Variants in HAUS4 observed in about 807,000 individuals in gnomAD.
The protein encoded by HAUS4 is HAUS augmin like complex subunit 4, also known as HAUS augmin-like complex subunit 4.
In HAUS4, 34 loss-of-function variants were observed where a neutral mutation model predicts 50.6. The observed-to-expected ratio is 0.67, with a 90% CI of 0.51 to 0.90. HAUS4 has a LOEUF of 0.90. HAUS4 is among the 40% of genes least tolerant of loss of function. The probability of loss-of-function intolerance (pLI) is 0.00; values close to 1 mark genes in which losing one functional copy is unlikely to be tolerated. For synonymous variants in HAUS4, 149 were observed against 161.4 expected (o/e 0.92, Z 0.58); for missense variants, 370 against 428.7 (o/e 0.86, Z 1.21).
Position 22,951,679 on chromosome 14 carries a change from G to T in HAUS4, c.341C>A (p.Thr114Asn), listed in dbSNP as rs201928239. The T allele has an allele frequency of 2.2e-4, 356 of 1,606,004 alleles. 2 individuals carry two copies. In the South Asian group the frequency reaches 3.8e-3, roughly 17 times the overall value. Residue 114 changes from threonine to asparagine, a missense_variant, in exon 5 of 10, where the codon ACC (threonine) becomes AAC (asparagine). Coordinates refer to ENST00000541587, the MANE Select transcript of HAUS4 (RefSeq NM_001166269.2). ...AGTTACAAGCAGCCGCTGTTCAAGGGTCTCATGAAACTGAGAGAGAGAGAA... is the reference window on the plus strand; with the variant it reads ...AGTTACAAGCAGCCGCTGTTCAAGGTTCTCATGAAACTGAGAGAGAGAGAA... ...VTSEDKKFHETLEQRLLVTEL... is the reference protein window; with the variant it reads ...VTSEDKKFHENLEQRLLVTEL...
intron 6 of HAUS4, among the ~76,000 whole-genome samples, 170 bp downstream of exon 6, chr14:22,950,136 AAAAAAAAC>A (rs367821155): frequency 8.2e-4 from 125 of 152,074 alleles, no homozygotes; most frequent in African/African-American, 2.8e-3. Context: ...CTCAAAAAAA[AAAAAAAAC>A]AAAAAAACAA....
At chr14:22,956,073 T>C (rs1264508753) in intron 1 of HAUS4, among the ~76,000 whole-genome samples, 1 of 152,192 alleles carries the variant, frequency 6.6e-6, no homozygotes, top group East Asian at 1.9e-4. Flanking sequence ...GTTATTATGA[T>C]TTAACGCTTC....
At chr14:22,949,905 G>A (rs1050864644) in intron 6 of HAUS4, among the ~76,000 whole-genome samples, 1 of 152,096 alleles carries the variant, frequency 6.6e-6, no homozygotes, top group Non-Finnish European at 1.5e-5. Context: ...GAGGCAGGCG[G>A]ATCACCTGAG....
chr14:22,952,693 A>G lies in HAUS4; in HGVS notation c.56-10T>C, dbSNP rs774539062. On this transcript the variant is annotated splice_polypyrimidine_tract_variant and intron_variant, in intron 2 of 9. Transcript: ENST00000541587. Reference sequence around the variant, plus strand: ...AGTTGTTTGCTGCACACTTAACATCATGTCCCCACAGGTACAAAAAAACAA... The same window carrying G: ...AGTTGTTTGCTGCACACTTAACATCGTGTCCCCACAGGTACAAAAAAACAA... The G allele has an allele frequency of 6.3e-7, 1 of 1,586,078 alleles. No individual in the cohort carries two copies. The highest frequency in any genetic ancestry group is 1.9e-5 in the Admixed American group (1 of 52,892).
At chr14:22,949,034 G>C (rs1353036287) in intron 6 of HAUS4, among the ~76,000 whole-genome samples, 1 of 151,532 alleles carries the variant, frequency 6.6e-6, no homozygotes, top group Non-Finnish European at 1.5e-5. Context: ...GCAGGCGCCT[G>C]TAATCCCAGC....
chr14:22,949,338 G>A (rs1411364273), intron 6 of HAUS4, among the ~76,000 whole-genome samples: 2 of 151,594 alleles, frequency 1.3e-5, no homozygotes, highest in Non-Finnish European at 2.9e-5. Flanking sequence ...GACCATCCTG[G>A]CTAACACGGT....
chr14:22,953,609 C>T (rs191588581), intron 2 of HAUS4, among the ~76,000 whole-genome samples: 2 of 150,108 alleles, frequency 1.3e-5, no homozygotes, highest in Admixed American at 1.3e-4. Context: ...CCATGCCTGG[C>T]TAATATTTTT....
At chr14:22,948,080 C>T in intron 6 of HAUS4, 67 bp from the exon 7 acceptor site, 1 of 1,437,852 alleles carries the variant, frequency 7.0e-7, no homozygotes, top group Non-Finnish European at 9.4e-7. Context: ...AGCAACCTTC[C>T]AGTGCCCCTA....
At position 22,947,770 on chromosome 14, in the gene HAUS4, G is replaced by A. The variant is rs767337782; in HGVS notation, c.709-39C>T. ...GGAGGAAGAAGAGGGCATAAATAAA[G>A]ATAGTAGAAAGGAGGGTAGATCAGG... On this transcript the variant is annotated intron_variant, in intron 7 of 9. Coordinates refer to ENST00000541587, the MANE Select transcript of HAUS4 (RefSeq NM_001166269.2). The A allele has an allele frequency of 1.9e-6, 3 of 1,612,996 alleles. No homozygotes were observed. The South Asian group carries it at 3.3e-5, about 18-fold the overall frequency.
chr14:22,951,786 A>G (rs946612859), intron 4 of HAUS4, 97 bp from the exon 5 acceptor site: 1 of 1,130,938 alleles, frequency 8.8e-7, no homozygotes, highest in Non-Finnish European at 1.3e-6. Context: ...ACATATTTTC[A>G]AAGTCCTCAA....
chr14:22,955,826 C>T (rs929186144), intron 1 of HAUS4, among the ~76,000 whole-genome samples: 8 of 152,054 alleles, frequency 5.3e-5, no homozygotes, highest in African/African-American at 1.9e-4. Flanking sequence ...AAGAGTAATG[C>T]AAAGGTGTAA....
At chr14:22,949,443 G>T (rs555412187) in intron 6 of HAUS4, among the ~76,000 whole-genome samples, 57 of 148,638 alleles carry the variant, frequency 3.8e-4, no homozygotes, top group African/African-American at 1.3e-3. Context: ...GCAGGAGAAT[G>T]GCGTGAACCT....
chr14:22,951,824 G>C, intron 4 of HAUS4, 135 bp from the exon 5 acceptor site: 1 of 726,828 alleles, frequency 1.4e-6, no homozygotes, highest in East Asian at 2.6e-5. Context: ...AGATAACTCA[G>C]CTGCGAGTGA....
chr14:22,947,534 G>C (rs527692506), intron 8 of HAUS4, 67 bp downstream of exon 8: 2 of 1,547,798 alleles, frequency 1.3e-6, no homozygotes, highest in Non-Finnish European at 1.8e-6. Context: ...AAAGAGATTA[G>C]GGTAAGGGAT....
rs933382896 is a variant in HAUS4, at chr14:22,955,180, T to C, written c.-22-4A>G. On this transcript the variant is annotated splice_polypyrimidine_tract_variant and splice_region_variant and intron_variant, in intron 1 of 9. Transcript: ENST00000541587. ...TTGATTTTCTTGGGATTCTAATCTG[T>C]GGAACCAAGAAGTGAAAGAAAACAA... 1.9e-6 allele frequency: 3 copies of C among 1,567,760 alleles called. No individual in the cohort carries two copies. The highest frequency in any genetic ancestry group is 2.6e-6 in the Non-Finnish European group (3 of 1,137,736).
chr14:22,951,312 C>A (rs558903727), intron 5 of HAUS4, among the ~76,000 whole-genome samples: 105 of 152,078 alleles, frequency 6.9e-4, no homozygotes, highest in African/African-American at 2.5e-3. Context: ...GCCTTATACT[C>A]TCTATATAAG....
chr14:22,954,730 CTTTTT>C (rs551775168), intron 2 of HAUS4: 3 of 139,360 alleles, frequency 2.2e-5, no homozygotes, highest in South Asian at 2.2e-4. Context: ...CTTATAAATC[CTTTTT>C]TTTTTTTTTT....
At chr14:22,946,756 G>A in intron 9 of HAUS4, 48 bp from the exon 10 acceptor site, 2 of 1,148,558 alleles carry the variant, frequency 1.7e-6, no homozygotes, top group Admixed American at 2.4e-5. Flanking sequence ...CTGCTCCTCA[G>A]AAAGTAGTGG....
At position 22,952,651 on chromosome 14, in the gene HAUS4, T is replaced by G. The variant is rs200651424; in HGVS notation, c.88A>C (p.Ser30Arg). The change falls in exon 3 of 10, where the codon AGT becomes CGT. Residue 30 changes from serine (S) to arginine (R), a missense_variant. Transcript: ENST00000541587. ...GGGTTCTGTAACAGGTCCTCTTTAC[T>G]CAGGTTACAAGGAGGAAGTTGTTTG... ...CSKQLPPCNL[S>R]KEDLLQNPYF... 37 of 1,610,732 alleles carry G rather than the reference T, an allele frequency of 2.3e-5. No individual in the cohort carries two copies. In the East Asian group the frequency reaches 8.2e-4, roughly 36 times the overall value.
Sources: gnomAD v4.1 joint callset for allele counts (sites outside exome capture counted in the v4.1 genomes callset) on GRCh38, gnomAD v4.1.1 for gene constraint, MANE v1.5 for transcripts, NCBI Gene and HGNC (gene_info 2026-07-23, HGNC 2026-07-21) for gene names.